DCBLD2: variants seen among roughly 807,000 people sequenced by gnomAD.
DCBLD2 encodes discoidin, CUB and LCCL domain containing 2.
A neutral mutation model predicts 86.8 loss-of-function variants in DCBLD2; 54 were observed. The ratio of observed to expected loss-of-function variants is 0.62; its 90% CI spans 0.50 to 0.78. The LOEUF (loss-of-function observed/expected upper bound fraction) is 0.78. DCBLD2 is among the 30% of genes least tolerant of loss of function. The pLI is 0.00. For missense variants in DCBLD2, 908 were observed against 954.2 expected, an observed-to-expected ratio of 0.95 and a Z score of 0.64; for synonymous variants, 354 against 341.3, an observed-to-expected ratio of 1.04 and a Z score of -0.41.
chr3:98,838,938 A>C (rs1370176350), intron 3 of DCBLD2, among the ~76,000 whole-genome samples: 6 of 151,098 alleles, frequency 4.0e-5, no homozygotes, highest in Non-Finnish European at 8.9e-5. Context: ...CGGCAGACTG[A>C]GGCAGGAGTA....
chr3:98,821,103 C>T (rs1942113102), intron 6 of DCBLD2: 2 of 151,410 alleles, frequency 1.3e-5, no homozygotes, highest in South Asian at 4.2e-4. Flanking sequence ...ATAAATAAAA[C>T]AAAAAAAGAA....
chr3:98,834,058 G>A (rs1048151477), intron 3 of DCBLD2, among the ~76,000 whole-genome samples: 2 of 151,890 alleles, frequency 1.3e-5, no homozygotes, highest in African/African-American at 2.4e-5. Flanking sequence ...CTGGGTGGGG[G>A]AGGCTCCTCT....
chr3:98,800,554 T>C (rs777115590), intron 15 of DCBLD2, 25 bp downstream of exon 15: 2 of 1,604,160 alleles, frequency 1.2e-6, no homozygotes, highest in South Asian at 2.2e-5. Flanking sequence ...CTCTGCCTGG[T>C]ACCAGAAGGC....
intron 2 of DCBLD2, among the ~76,000 whole-genome samples, chr3:98,852,519 T>C (rs1185874401): frequency 6.6e-6 from 1 of 152,234 alleles, no homozygotes; most frequent in Non-Finnish European, 1.5e-5. Flanking sequence ...AGTGATGGGA[T>C]TACAGGCGTG....
At chr3:98,891,840 T>G (rs1943666811) in intron 1 of DCBLD2, among the ~76,000 whole-genome samples, 1 of 152,190 alleles carries the variant, frequency 6.6e-6, no homozygotes, top group African/African-American at 2.4e-5. Flanking sequence ...AATGTTATTT[T>G]CTTTGTGAAA....
intron 3 of DCBLD2, among the ~76,000 whole-genome samples, chr3:98,839,715 G>A (rs750206796): frequency 1.1e-4 from 16 of 152,074 alleles, no homozygotes; most frequent in East Asian, 3.9e-4. Flanking sequence ...AAATTCCTTC[G>A]TATAGGGAGT....
At chr3:98,801,700 G>A (rs368031141) in intron 13 of DCBLD2, 51 bp from the exon 14 acceptor site, 9 of 1,430,656 alleles carry the variant, frequency 6.3e-6, no homozygotes, top group African/African-American at 1.4e-5. Context: ...TCACTGGTAA[G>A]CCTGCTCCCC....
intron 2 of DCBLD2, among the ~76,000 whole-genome samples, chr3:98,870,806 A>AAAGAAAGAAAGGAAGG (rs1559794673): frequency 1.1e-3 from 136 of 123,374 alleles, no homozygotes; most frequent in African/African-American, 2.5e-3. Flanking sequence ...AGAAAGAAAG[A>AAAGAAAGAAAGGAAGG]AAGAAAGGTA....
At chr3:98,858,099 G>A (rs932848811) in intron 2 of DCBLD2, among the ~76,000 whole-genome samples, 5 of 152,242 alleles carry the variant, frequency 3.3e-5, no homozygotes, top group African/African-American at 9.6e-5. Context: ...CGGGCTGCAG[G>A]TCCCGAGCCC....
rs182439547 is a variant in DCBLD2 at position 98,840,799 on chromosome 3, C to T, written c.571+8662G>A. Among the ~76,000 whole-genome samples the T allele has an allele frequency of 3.7e-3, 568 of 152,290 alleles. 5 individuals are homozygous for T. Among genetic ancestry groups the T allele is most frequent in the African/African-American group, 9.5e-3 (395 of 41,548 alleles). ...GAGCCCCCATGCCTGTTATTTGCTA[C>T]GTTTTAAACTGACAGCCTCTGCATA... On this transcript the variant is annotated intron_variant, in intron 3 of 15. Coordinates refer to ENST00000326840, the MANE Select transcript of DCBLD2 (RefSeq NM_080927.4).
At chr3:98,862,847 T>C (rs546733059) in intron 2 of DCBLD2, among the ~76,000 whole-genome samples, 3 of 152,146 alleles carry the variant, frequency 2.0e-5, no homozygotes, top group African/African-American at 4.8e-5. Context: ...TCCTATTTCA[T>C]ATAGTATTGG....
intron 4 of DCBLD2, among the ~76,000 whole-genome samples, chr3:98,824,920 G>A (rs959437870): frequency 6.6e-5 from 10 of 152,150 alleles, no homozygotes; most frequent in African/African-American, 2.4e-4. Flanking sequence ...GCATAAAGAA[G>A]AGAAATAGTA....
chr3:98,872,723 A>G (rs1943300331), intron 2 of DCBLD2, among the ~76,000 whole-genome samples: 2 of 152,142 alleles, frequency 1.3e-5, no homozygotes, highest in Non-Finnish European at 2.9e-5. Context: ...TATAAATTGA[A>G]AAGCAGCACC....
At chr3:98,855,252 G>A (rs1367046995) in intron 2 of DCBLD2, among the ~76,000 whole-genome samples, 2 of 152,130 alleles carry the variant, frequency 1.3e-5, no homozygotes, top group African/African-American at 4.8e-5. Context: ...AGTATCATCA[G>A]CTATCAAGGA....
At chr3:98,871,964 C>T (rs1218123306) in intron 2 of DCBLD2, among the ~76,000 whole-genome samples, 1 of 152,086 alleles carries the variant, frequency 6.6e-6, no homozygotes, top group African/African-American at 2.4e-5. Context: ...TTCAATCTCA[C>T]TACTTATTAC....
intron 13 of DCBLD2, among the ~76,000 whole-genome samples, chr3:98,802,474 A>C (rs1417384129): frequency 6.6e-6 from 1 of 152,046 alleles, no homozygotes; most frequent in East Asian, 1.9e-4. Flanking sequence ...AGATGAGTAG[A>C]TTGCAAAAAT....
chr3:98,840,929 A>T (rs1475978102), intron 3 of DCBLD2, among the ~76,000 whole-genome samples: 1 of 152,218 alleles, frequency 6.6e-6, no homozygotes, highest in Non-Finnish European at 1.5e-5. Context: ...GGTGTTGTAG[A>T]TAACAGCGAT....
chr3:98,801,416 A>T, intron 14 of DCBLD2, 184 bp downstream of exon 14: 1 of 460,752 alleles, frequency 2.2e-6, no homozygotes, highest in Non-Finnish European at 3.9e-6. Flanking sequence ...TCATTTCATT[A>T]CTTAGGAATT....
Position 98,836,713 on chromosome 3 carries a change from C to A in DCBLD2, c.572-11347G>T, listed in dbSNP as rs1288562095. Among the ~76,000 whole-genome samples, 2 of 57,976 alleles carry A rather than the reference C, an allele frequency of 3.4e-5. 1 individual carries two copies. The highest frequency in any genetic ancestry group is 8.4e-5 in the Non-Finnish European group (2 of 23,766). 38.0% of individuals were successfully genotyped at this position (57,976 alleles called of 152,430 possible). A position where few individuals can be genotyped will look rare whatever the true frequency, so the allele number is the denominator to read the frequency against. On this transcript the variant is annotated intron_variant, in intron 3 of 15. Coordinates refer to ENST00000326840, the MANE Select transcript of DCBLD2 (RefSeq NM_080927.4). ...TCACCTCCCGGACGGGGCGGCTGGC[C>A]GGGCGGGGGGGCTGACCCCCCCATC...
Sources: gnomAD v4.1 joint callset for allele counts (sites outside exome capture counted in the v4.1 genomes callset) on GRCh38, gnomAD v4.1.1 for gene constraint, MANE v1.5 for transcripts, NCBI Gene and HGNC (gene_info 2026-07-23, HGNC 2026-07-21) for gene names.